Variants in SVEP1 observed in about 807,000 individuals in gnomAD.
SVEP1 encodes the protein sushi, von Willebrand factor type A, EGF and pentraxin domain containing 1.
In SVEP1, 164 loss-of-function variants were observed where a neutral mutation model predicts 367.3. The ratio of observed to expected loss-of-function variants is 0.45; its 90% CI spans 0.39 to 0.51. The LOEUF (loss-of-function observed/expected upper bound fraction) is 0.51, where lower values mean the gene tolerates loss of function less well. SVEP1 is among the 20% of genes least tolerant of loss of function. SVEP1 has a pLI of 0.00. For synonymous variants in SVEP1, 1,666 were observed against 1,611.6 expected (o/e 1.03, Z -0.81); for missense variants, 4,117 against 4,425.3 (o/e 0.93, Z 1.98).
intron 5 of SVEP1, among the ~76,000 whole-genome samples, chr9:110,504,192 CT>C (rs113742207): frequency 0.097 from 14,705 of 151,322 alleles, 792 homozygotes; most frequent in African/African-American, 0.14. Context: ...GTAGCTGGGA[CT>C]ACAGGCGCCC....
chr9:110,548,702 C>G (rs542116081), intron 2 of SVEP1, among the ~76,000 whole-genome samples: 1 of 152,222 alleles, frequency 6.6e-6, no homozygotes, highest in East Asian at 1.9e-4. Flanking sequence ...CCTGTTTAAA[C>G]GCAAATCCAT....
At chr9:110,515,976 G>A (rs1302173118) in intron 3 of SVEP1, among the ~76,000 whole-genome samples, 1 of 152,010 alleles carries the variant, frequency 6.6e-6, no homozygotes, top group Non-Finnish European at 1.5e-5. Context: ...TACACAGTGA[G>A]TTAAGTGGCA....
intron 1 of SVEP1, among the ~76,000 whole-genome samples, chr9:110,571,226 C>T (rs1290794745): frequency 6.6e-6 from 1 of 152,142 alleles, no homozygotes; most frequent in Non-Finnish European, 1.5e-5. Context: ...GCCTCAGCCT[C>T]CCAAAGTGCT....
intron 5 of SVEP1, among the ~76,000 whole-genome samples, chr9:110,506,513 C>T (rs752591869): frequency 5.9e-5 from 9 of 152,196 alleles, no homozygotes; most frequent in Non-Finnish European, 1.2e-4. Context: ...CTCTAGACCT[C>T]GCTGTCACCA....
At position 110,430,438 on chromosome 9, in the gene SVEP1, C is replaced by T; in HGVS notation, c.5366G>A (p.Cys1789Tyr). ...DGKNCAEPIK[C>Y]KAPGNPENGH... ...ATTTTCCGGATTTCCTGGAGCCTTA[C>T]ATTTTATAGGTTCTAGAAACAGACA... The change falls in exon 33 of 48, where the codon TGT becomes TAT. Residue 1789 changes from cysteine to tyrosine, a missense_variant. Cys to Tyr is a radical substitution (Grantham distance 194). This residue lies in a region of SVEP1 where 2,174 missense variants were observed against 2,494.3 expected (regional missense o/e 0.87). Transcript: ENST00000374469. The T allele has an allele frequency of 5.6e-6, 9 of 1,610,666 alleles. No homozygotes were observed. Among genetic ancestry groups the T allele is most frequent in the Non-Finnish European group, 7.6e-6 (9 of 1,178,388 alleles).
At chr9:110,572,789 CA>C (rs56077443) in intron 1 of SVEP1, among the ~76,000 whole-genome samples, 2,526 of 76,344 alleles carry the variant, frequency 0.033, 17 homozygotes, top group African/African-American at 0.061. Flanking sequence ...CTCTCTCTCA[CA>C]AAAAAAAAAA....
chr9:110,574,743 CTTTTTT>C (rs1163833465), intron 1 of SVEP1, among the ~76,000 whole-genome samples: 1 of 84,786 alleles, frequency 1.2e-5, no homozygotes, highest in Admixed American at 1.2e-4. Flanking sequence ...AGTCGACCTT[CTTTTTT>C]TTTTTTTTTT....
chr9:110,524,072 A>C (rs1233441297), intron 3 of SVEP1, among the ~76,000 whole-genome samples: 1 of 152,162 alleles, frequency 6.6e-6, no homozygotes, highest in Non-Finnish European at 1.5e-5. Context: ...AGACCAATTC[A>C]TCAAAAATTA....
chr9:110,570,289 C>A (rs1036930790), intron 1 of SVEP1, among the ~76,000 whole-genome samples: 10 of 152,082 alleles, frequency 6.6e-5, no homozygotes, highest in Non-Finnish European at 1.2e-4. Context: ...AGATGAAGAA[C>A]CATGTTTTCC....
chr9:110,423,512 A>C (rs1046474952), intron 36 of SVEP1, among the ~76,000 whole-genome samples: 2 of 152,190 alleles, frequency 1.3e-5, no homozygotes, highest in African/African-American at 4.8e-5. Flanking sequence ...TTAAGATGGG[A>C]GTGCTGACAG....
chr9:110,439,512 G>A (rs1828480244), intron 27 of SVEP1, among the ~76,000 whole-genome samples: 1 of 151,988 alleles, frequency 6.6e-6, no homozygotes, highest in African/African-American at 2.4e-5. Flanking sequence ...TCCTGCCTCA[G>A]CCTCCCGAGT....
chr9:110,532,585 C>T (rs1564169449), intron 3 of SVEP1, among the ~76,000 whole-genome samples: 1 of 152,094 alleles, frequency 6.6e-6, no homozygotes. Context: ...TCATTCAACC[C>T]TAGTAGAATC....
chr9:110,548,766 T>G (rs1475103426), intron 2 of SVEP1, among the ~76,000 whole-genome samples: 1 of 152,178 alleles, frequency 6.6e-6, no homozygotes, highest in African/African-American at 2.4e-5. Flanking sequence ...TCCTAAGTCC[T>G]TGCTCACTTC....
At chr9:110,577,571 T>C (rs937703588) in intron 1 of SVEP1, among the ~76,000 whole-genome samples, 4 of 152,058 alleles carry the variant, frequency 2.6e-5, no homozygotes, top group African/African-American at 9.7e-5. Context: ...TGAACAAATA[T>C]AGGATCTTAA....
intron 3 of SVEP1, among the ~76,000 whole-genome samples, 171 bp downstream of exon 3, chr9:110,545,944 C>A (rs1168304606): frequency 6.6e-6 from 1 of 152,216 alleles, no homozygotes; most frequent in Admixed American, 6.5e-5. Context: ...CTACTCAACT[C>A]ACCGCTGATG....
In SVEP1 at chr9:110,503,192, C is replaced by A. The variant is rs1394019498; in HGVS notation, c.1329G>T (p.Gln443His). 3.7e-6 allele frequency: 6 copies of A among 1,613,246 alleles called. No individual in the cohort carries two copies. In the African/African-American group the frequency reaches 6.7e-5, roughly 18 times the overall value. The stretch of plus-strand genomic sequence containing the variant: ...AACAGCTGATGTGGCCATGTTTCGG[C>A]TGGCGGAGATGAGGACATGTTCTTA... ...CRVRTCPHLRQPKHGHISCST... is the reference protein window; with the variant it reads ...CRVRTCPHLRHPKHGHISCST... The change falls in exon 6 of 48, where the codon CAG becomes CAT. Residue 443 changes from glutamine to histidine, a missense_variant. Physicochemically the swap from Gln to His is conservative, Grantham distance 24 (BLOSUM62 0). Transcript: ENST00000374469.
rs759113872 is a variant in SVEP1, at chr9:110,458,952, T to C, written c.3484A>G (p.Ser1162Gly). The change falls in exon 19 of 48, where the codon AGT becomes GGT. Residue 1162 changes from serine (S) to glycine (G), a missense_variant and splice_region_variant. Around this residue, in one of 4 missense-constraint regions of SVEP1, gnomAD observed 2,174 missense variants for 2,494.3 expected, o/e 0.87. Transcript: ENST00000374469. ...ACATAAGAAATGAAGTTCATCTTAC[T>C]TGAACATTCTGTGATGGATCTGGAA... ...AGSRSITECSSFSSTFSAAEE... is the reference protein window; with the variant it reads ...AGSRSITECSGFSSTFSAAEE... 2 of 1,611,542 alleles carry C rather than the reference T, an allele frequency of 1.2e-6. No homozygotes were observed. Among genetic ancestry groups the C allele is most frequent in the South Asian group, 1.1e-5 (1 of 90,920 alleles).
intron 40 of SVEP1, among the ~76,000 whole-genome samples, chr9:110,391,367 T>C (rs10759426): frequency 0.16 from 23,572 of 151,456 alleles, 2,116 homozygotes; most frequent in East Asian, 0.4. Flanking sequence ...ACCTCCTGTG[T>C]TGAAGTGATT....
At chr9:110,554,274 G>A (rs183888219) in intron 1 of SVEP1, among the ~76,000 whole-genome samples, 7 of 152,112 alleles carry the variant, frequency 4.6e-5, no homozygotes, top group Non-Finnish European at 8.8e-5. Flanking sequence ...TAGAGCTTGA[G>A]AGTCTGCTTA....
Sources: allele counts gnomAD v4.1 joint callset (sites outside exome capture counted in the v4.1 genomes callset), GRCh38; gene constraint gnomAD v4.1.1; regional missense constraint gnomAD v4.1.1; transcripts MANE v1.5; gene names NCBI Gene and HGNC (gene_info 2026-07-23, HGNC 2026-07-21).